The following LIN7A variants were observed in gnomAD, a reference collection of about 807,000 sequenced individuals.
LIN7A encodes the protein protein lin-7 homolog A.
A neutral mutation model predicts 29.8 loss-of-function variants in LIN7A; 25 were observed. The ratio of observed to expected loss-of-function variants is 0.84; its 90% CI spans 0.61 to 1.17. LIN7A has a LOEUF of 1.17. LIN7A is among the 50% of genes most tolerant of loss of function. The pLI is 0.00. For missense variants in LIN7A, 239 were observed against 287.0 expected, an observed-to-expected ratio of 0.83 and a Z score of 1.21; for synonymous variants, 118 against 107.5, an observed-to-expected ratio of 1.10 and a Z score of -0.60.
chr12:80,934,650 G>A (rs192119811), intron 1 of LIN7A, among the ~76,000 whole-genome samples: 1 of 152,196 alleles, frequency 6.6e-6, no homozygotes, highest in Non-Finnish European at 1.5e-5. Context: ...CATGTATGAT[G>A]TCAAAAGGTA....
intron 2 of LIN7A, among the ~76,000 whole-genome samples, chr12:80,877,934 A>G (rs1349531148): frequency 6.6e-6 from 1 of 151,982 alleles, no homozygotes; most frequent in Non-Finnish European, 1.5e-5. Context: ...CAGTCCTGTG[A>G]TCTCAACAGA....
chr12:80,845,894 G>C lies in LIN7A; in HGVS notation c.319C>G (p.Arg107Gly). ...FAASEGHSHP[R>G]VVELPKTDEG... is the part of the protein sequence containing the mutation. ...TCAGTCTTTGGCAGTTCAACTACTC[G>C]AGGGTGGGAGTGGCCTTCACTAGCT... Residue 107 changes from arginine to glycine, a missense_variant, in exon 4 of 6, where the codon CGA becomes GGA. Coordinates refer to ENST00000552864, the MANE Select transcript of LIN7A (RefSeq NM_004664.4). 1 of 1,611,170 alleles carries C rather than the reference G, an allele frequency of 6.2e-7. No individual in the cohort carries two copies. The highest frequency in any genetic ancestry group is 8.5e-7 in the Non-Finnish European group (1 of 1,178,974).
chr12:80,905,082 C>T (rs1193117374), intron 1 of LIN7A, among the ~76,000 whole-genome samples: 1 of 152,082 alleles, frequency 6.6e-6, no homozygotes, highest in Non-Finnish European at 1.5e-5. Context: ...TACATTTCTT[C>T]ACAATTCCAA....
intron 1 of LIN7A, among the ~76,000 whole-genome samples, chr12:80,923,298 C>A (rs1222568748): frequency 1.3e-5 from 2 of 152,132 alleles, no homozygotes. Context: ...TGCTGGCTTT[C>A]CTGGTTCTGA....
intron 2 of LIN7A, among the ~76,000 whole-genome samples, chr12:80,868,447 G>A (rs1468070761): frequency 2.0e-5 from 3 of 152,130 alleles, no homozygotes; most frequent in Non-Finnish European, 4.4e-5. Context: ...GCATGCCTGT[G>A]GTCCCAGCTA....
intron 2 of LIN7A, among the ~76,000 whole-genome samples, chr12:80,854,039 G>A (rs553481106): frequency 1.6e-4 from 24 of 152,088 alleles, no homozygotes; most frequent in Non-Finnish European, 3.1e-4. Flanking sequence ...ATACAAAATG[G>A]TACAGCTATT....
intron 5 of LIN7A, among the ~76,000 whole-genome samples, chr12:80,810,616 G>A (rs1592851721): frequency 6.6e-6 from 1 of 152,240 alleles, no homozygotes; most frequent in East Asian, 1.9e-4. Flanking sequence ...CCCAGAAGCA[G>A]AATTGCTGGA....
chr12:80,919,303 G>C (rs1389101819), intron 1 of LIN7A, among the ~76,000 whole-genome samples: 1 of 152,208 alleles, frequency 6.6e-6, no homozygotes, highest in African/African-American at 2.4e-5. Flanking sequence ...AACAGTAGTA[G>C]TAAAAGGGTG....
At chr12:80,882,432 C>G (rs1402704510) in intron 2 of LIN7A, among the ~76,000 whole-genome samples, 1 of 148,012 alleles carries the variant, frequency 6.8e-6, no homozygotes, top group East Asian at 2.0e-4. Context: ...CTACAGGCGC[C>G]CGCCACTACG....
chr12:80,924,672 C>T (rs1042869121), intron 1 of LIN7A, among the ~76,000 whole-genome samples: 1 of 152,112 alleles, frequency 6.6e-6, no homozygotes, highest in Non-Finnish European at 1.5e-5. Context: ...TTGCCTTTCT[C>T]AGCATTATGT....
intron 5 of LIN7A, among the ~76,000 whole-genome samples, chr12:80,807,085 T>TTTTTTTTTTTTTTTTTTTTTTTTC (rs1871072550): frequency 7.1e-6 from 1 of 141,436 alleles, no homozygotes; most frequent in Admixed American, 7.2e-5. Flanking sequence ...TTTTTTTTTT[T>TTTTTTTTTTTTTTTTTTTTTTTTC]TTTTTTGACG....
intron 4 of LIN7A, among the ~76,000 whole-genome samples, chr12:80,822,943 T>G (rs879418620): frequency 2.0e-5 from 3 of 152,108 alleles, no homozygotes; most frequent in Non-Finnish European, 1.5e-5. Flanking sequence ...GAACTTATGG[T>G]GCTTTCTCTT....
intron 4 of LIN7A, among the ~76,000 whole-genome samples, chr12:80,832,904 T>C (rs1872437136): frequency 6.6e-6 from 1 of 152,110 alleles, no homozygotes; most frequent in African/African-American, 2.4e-5. Flanking sequence ...GGGGACATTT[T>C]TTGTTGTGGT....
At chr12:80,875,301 G>GA (rs1167192044) in intron 2 of LIN7A, among the ~76,000 whole-genome samples, 8 of 151,224 alleles carry the variant, frequency 5.3e-5, no homozygotes, top group Middle Eastern at 3.4e-3. Context: ...ATTTTTTCTG[G>GA]AAAAAAAAGC....
intron 2 of LIN7A, among the ~76,000 whole-genome samples, chr12:80,868,126 G>A (rs770490466): frequency 6.6e-6 from 1 of 152,172 alleles, no homozygotes; most frequent in African/African-American, 2.4e-5. Flanking sequence ...TTCTTTTACT[G>A]ATAATGTTTA....
At chr12:80,871,034 C>A (rs11114641) in intron 2 of LIN7A, among the ~76,000 whole-genome samples, 1 of 152,050 alleles carries the variant, frequency 6.6e-6, no homozygotes, top group East Asian at 1.9e-4. Context: ...ATCTAAGCCC[C>A]AAGGTCATAA....
At position 80,792,922 on chromosome 12, in the gene LIN7A, G is replaced by A. The variant is rs1790762894; in HGVS notation, c.*4805C>T. On this transcript the variant is annotated 3_prime_UTR_variant, in exon 6 of 6. Transcript: ENST00000552864. ...AGAGTAAGCTATAACATAAGATTGA[G>A]TTCCCACCCTGTGTTTGCTACTGAT... 1 of 152,138 alleles carries A rather than the reference G, an allele frequency of 6.6e-6. No individual in the cohort carries two copies. The highest frequency in any genetic ancestry group is 1.9e-4 in the East Asian group (1 of 5,196). 9.4% of individuals were successfully genotyped at this position (152,138 alleles called of 1,614,324 possible). A position where few individuals can be genotyped will look rare whatever the true frequency, so the allele number is the denominator to read the frequency against.
intron 4 of LIN7A, among the ~76,000 whole-genome samples, chr12:80,814,253 G>A (rs765425787): frequency 1.3e-5 from 2 of 152,082 alleles, no homozygotes; most frequent in Non-Finnish European, 2.9e-5. Flanking sequence ...ACAGCATCGT[G>A]CAATATAAAC....
intron 1 of LIN7A, among the ~76,000 whole-genome samples, chr12:80,933,004 A>G (rs1877997928): frequency 6.6e-6 from 1 of 152,210 alleles, no homozygotes; most frequent in African/African-American, 2.4e-5. Flanking sequence ...CCTTATCAGT[A>G]TCTTCTCTTT....
Sources: allele counts gnomAD v4.1 joint callset (sites outside exome capture counted in the v4.1 genomes callset), GRCh38; gene constraint gnomAD v4.1.1; transcripts MANE v1.5; gene names NCBI Gene and HGNC (gene_info 2026-07-23, HGNC 2026-07-21).